SGCZ: variants seen among roughly 807,000 people sequenced by gnomAD.
SGCZ encodes the protein sarcoglycan zeta.
SGCZ carries 40 observed loss-of-function variants against 41.3 expected under a neutral mutation model. The observed-to-expected ratio is 0.97, with a 90% confidence interval of 0.75 to 1.26. The LOEUF (loss-of-function observed/expected upper bound fraction) is 1.26, where lower values mean the gene tolerates loss of function less well. SGCZ is among the 50% of genes most tolerant of loss of function. The pLI is 0.00. For missense variants in SGCZ, 552 were observed against 369.8 expected (o/e 1.49, Z -4.04); for synonymous variants, 206 against 137.5 (o/e 1.50, Z -3.49).
intron 3 of SGCZ, among the ~76,000 whole-genome samples, chr8:14,239,276 C>G (rs1806885883): frequency 8.4e-6 from 1 of 119,446 alleles, no homozygotes; most frequent in Non-Finnish European, 1.7e-5. Context: ...CACACACACA[C>G]ACACACACAA....
At chr8:14,927,037 A>C (rs1450469560) in intron 1 of SGCZ, among the ~76,000 whole-genome samples, 1 of 151,992 alleles carries the variant, frequency 6.6e-6, no homozygotes, top group Non-Finnish European at 1.5e-5. Context: ...TTTCAGTATC[A>C]ACTACATTTT....
intron 2 of SGCZ, among the ~76,000 whole-genome samples, chr8:14,497,803 A>T (rs1012599917): frequency 1.3e-5 from 2 of 152,128 alleles, no homozygotes; most frequent in Admixed American, 1.3e-4. Flanking sequence ...TGAGATTTGG[A>T]GGGGACACAC....
chr8:14,439,111 G>A lies in SGCZ; in HGVS notation c.235-114907C>T, dbSNP rs1018221349. ...GATAACATCAAGGAGGAAAAGATTCGATTCCCCTATGGGCTCTGCCTTTGA... is the reference window on the plus strand; with the variant it reads ...GATAACATCAAGGAGGAAAAGATTCAATTCCCCTATGGGCTCTGCCTTTGA... On this transcript the variant is annotated intron_variant, in intron 2 of 7. Coordinates refer to ENST00000382080, the MANE Select transcript of SGCZ (RefSeq NM_139167.4). 2.6e-5 allele frequency among the ~76,000 whole-genome samples: 4 copies of A among 151,972 alleles called. No homozygotes were observed. In the South Asian group the frequency reaches 6.2e-4, roughly 24 times the overall value.
intron 1 of SGCZ, among the ~76,000 whole-genome samples, chr8:15,157,927 C>T (rs557874687): frequency 1.3e-5 from 2 of 152,282 alleles, no homozygotes; most frequent in South Asian, 2.1e-4. Context: ...CTCAGGCCCT[C>T]GGCCTTCCGC....
At chr8:14,382,417 T>TA (rs1804401797) in intron 2 of SGCZ, among the ~76,000 whole-genome samples, 1 of 150,748 alleles carries the variant, frequency 6.6e-6, no homozygotes, top group Admixed American at 6.6e-5. Context: ...ACAAAAAAAT[T>TA]TAAAAAAAAA....
At chr8:14,438,817 C>A (rs1424673650) in intron 2 of SGCZ, among the ~76,000 whole-genome samples, 3 of 151,874 alleles carry the variant, frequency 2.0e-5, no homozygotes, top group Admixed American at 2.0e-4. Flanking sequence ...TATACCTTAA[C>A]ATCATATTCT....
chr8:14,400,650 T>G (rs894933696), intron 2 of SGCZ, among the ~76,000 whole-genome samples: 1 of 152,202 alleles, frequency 6.6e-6, no homozygotes, highest in South Asian at 2.1e-4. Flanking sequence ...ACATGAACTT[T>G]GCATGTCTTA....
intron 1 of SGCZ, among the ~76,000 whole-genome samples, chr8:14,888,892 T>A (rs1392627663): frequency 1.3e-5 from 2 of 152,172 alleles, no homozygotes; most frequent in Admixed American, 1.3e-4. Flanking sequence ...TTTAATGATA[T>A]GGGTACACTG....
intron 1 of SGCZ, among the ~76,000 whole-genome samples, chr8:15,000,380 G>A (rs1802373600): frequency 6.6e-6 from 1 of 152,152 alleles, no homozygotes; most frequent in South Asian, 2.1e-4. Flanking sequence ...AGTGATATAG[G>A]AGTTAAAAAG....
chr8:14,888,119 T>G (rs994432323), intron 1 of SGCZ, among the ~76,000 whole-genome samples: 2 of 152,064 alleles, frequency 1.3e-5, no homozygotes, highest in African/African-American at 4.8e-5. Flanking sequence ...AATAAAAAAG[T>G]AGACAAAGAA....
chr8:15,040,195 G>C (rs1163297118), intron 1 of SGCZ, among the ~76,000 whole-genome samples: 1 of 152,168 alleles, frequency 6.6e-6, no homozygotes, highest in East Asian at 1.9e-4. Context: ...TGGTTCTAAA[G>C]CAAACAAAAG....
chr8:14,330,612 T>TGTTTAAATTTAAATTTAAAATGACA (rs1802283244), intron 2 of SGCZ, among the ~76,000 whole-genome samples: 2 of 151,846 alleles, frequency 1.3e-5, no homozygotes, highest in East Asian at 1.9e-4. Context: ...TTAAAATGAC[T>TGTTTAAATTTAAATTTAAAATGACA]GTTTAAATTT....
At chr8:14,206,066 A>G (rs1805605465) in intron 4 of SGCZ, among the ~76,000 whole-genome samples, 1 of 152,118 alleles carries the variant, frequency 6.6e-6, no homozygotes, top group Non-Finnish European at 1.5e-5. Flanking sequence ...ATCTAATTAA[A>G]CATTTCTCTA....
chr8:14,594,458 A>C (rs1224178906), intron 1 of SGCZ, among the ~76,000 whole-genome samples: 1 of 152,058 alleles, frequency 6.6e-6, no homozygotes, highest in Non-Finnish European at 1.5e-5. Context: ...AGTGATTTTC[A>C]GTTTTCTTTC....
At chr8:14,218,209 A>C (rs927114994) in intron 4 of SGCZ, among the ~76,000 whole-genome samples, 7 of 152,228 alleles carry the variant, frequency 4.6e-5, no homozygotes, top group African/African-American at 1.4e-4. Flanking sequence ...CATAGAAAGT[A>C]AAGAACATAC....
At chr8:14,105,931 G>C (rs1022329286) in intron 6 of SGCZ, among the ~76,000 whole-genome samples, 3 of 151,926 alleles carry the variant, frequency 2.0e-5, no homozygotes, top group Non-Finnish European at 2.9e-5. Flanking sequence ...ATAAATTTAA[G>C]TAAATTTAAA....
chr8:14,385,822 T>G (rs1804554360), intron 2 of SGCZ, among the ~76,000 whole-genome samples: 1 of 152,160 alleles, frequency 6.6e-6, no homozygotes, highest in Non-Finnish European at 1.5e-5. Flanking sequence ...ACTCACTCCT[T>G]AGTATCTGAC....
intron 1 of SGCZ, among the ~76,000 whole-genome samples, chr8:15,211,254 C>T (rs4495428): frequency 0.019 from 2,815 of 148,750 alleles, 44 homozygotes; most frequent in Non-Finnish European, 0.032. Context: ...TCCTTGGCCA[C>T]CACAAGTAAC....
At chr8:15,140,934 G>A (rs528252774) in intron 1 of SGCZ, among the ~76,000 whole-genome samples, 26 of 152,206 alleles carry the variant, frequency 1.7e-4, no homozygotes, top group African/African-American at 4.6e-4. Flanking sequence ...GATGACCACC[G>A]TACATTTAAT....
Sources: gnomAD v4.1 joint callset for allele counts (sites outside exome capture counted in the v4.1 genomes callset) on GRCh38, gnomAD v4.1.1 for gene constraint, MANE v1.5 for transcripts, NCBI Gene and HGNC (gene_info 2026-07-23, HGNC 2026-07-21) for gene names.